Variants in GRM8 observed in about 807,000 individuals in gnomAD.
GRM8 encodes the protein glutamate metabotropic receptor 8.
In GRM8, 47 loss-of-function variants were observed where a neutral mutation model predicts 87.2. That is an observed-to-expected ratio of 0.54 (90% CI 0.43 to 0.69). GRM8 has a LOEUF of 0.69. GRM8 is among the 30% of genes least tolerant of loss of function. The pLI is 0.00. For missense variants in GRM8, 1,019 were observed against 1,139.2 expected, an observed-to-expected ratio of 0.89 and a Z score of 1.52; for synonymous variants, 396 against 404.5, an observed-to-expected ratio of 0.98 and a Z score of 0.25.
intron 2 of GRM8, among the ~76,000 whole-genome samples, chr7:127,236,603 C>T (rs1797996436): frequency 6.6e-6 from 1 of 152,174 alleles, no homozygotes; most frequent in Non-Finnish European, 1.5e-5. Flanking sequence ...TCAATTACCT[C>T]CACCTGGTCT....
At chr7:127,181,037 A>T (rs934766751) in intron 2 of GRM8, among the ~76,000 whole-genome samples, 5 of 152,232 alleles carry the variant, frequency 3.3e-5, no homozygotes, top group African/African-American at 1.2e-4. Context: ...CCAAATCAGT[A>T]AAGAGAAAGT....
At chr7:126,516,569 C>T (rs915688888) in intron 9 of GRM8, among the ~76,000 whole-genome samples, 1 of 152,154 alleles carries the variant, frequency 6.6e-6, no homozygotes, top group Admixed American at 6.6e-5. Context: ...ACTAAGCAAG[C>T]ATCTATGATT....
chr7:126,569,134 A>G (rs1055526894), intron 8 of GRM8, among the ~76,000 whole-genome samples: 3 of 152,152 alleles, frequency 2.0e-5, no homozygotes, highest in African/African-American at 7.2e-5. Flanking sequence ...AGCTGCTCCA[A>G]TGAACACACA....
At chr7:126,508,964 G>C (rs1810911610) in intron 9 of GRM8, among the ~76,000 whole-genome samples, 2 of 151,968 alleles carry the variant, frequency 1.3e-5, no homozygotes, top group Admixed American at 6.6e-5. Context: ...ACCAGGAGTG[G>C]TTCTACACAG....
intron 6 of GRM8, among the ~76,000 whole-genome samples, chr7:126,851,891 C>A (rs532482845): frequency 3.3e-5 from 5 of 152,280 alleles, no homozygotes; most frequent in Admixed American, 2.6e-4. Flanking sequence ...TTGTTTCTCT[C>A]CTAACCCCCA....
intron 7 of GRM8, among the ~76,000 whole-genome samples, chr7:126,644,658 C>A (rs1282608126): frequency 6.6e-6 from 1 of 152,128 alleles, no homozygotes; most frequent in Non-Finnish European, 1.5e-5. Flanking sequence ...AACCAATTTC[C>A]AAATGCTTTC....
At chr7:127,199,015 AT>A (rs1187083614) in intron 2 of GRM8, among the ~76,000 whole-genome samples, 1 of 151,922 alleles carries the variant, frequency 6.6e-6, no homozygotes, top group Non-Finnish European at 1.5e-5. Flanking sequence ...CTAATTTTGT[AT>A]TTTTAGTAGA....
chr7:126,442,802 G>A (rs997427592), intron 10 of GRM8, among the ~76,000 whole-genome samples: 3 of 151,960 alleles, frequency 2.0e-5, no homozygotes, highest in African/African-American at 7.2e-5. Flanking sequence ...ATTGAGAATT[G>A]AGAAAACAAT....
At chr7:126,687,788 A>C (rs1336627596) in intron 7 of GRM8, among the ~76,000 whole-genome samples, 2 of 151,896 alleles carry the variant, frequency 1.3e-5, no homozygotes, top group Non-Finnish European at 2.9e-5. Flanking sequence ...AGTCATACTT[A>C]TAGACAGATG....
intron 6 of GRM8, among the ~76,000 whole-genome samples, chr7:126,813,510 T>C (rs1793493422): frequency 1.3e-5 from 2 of 152,116 alleles, no homozygotes; most frequent in South Asian, 2.1e-4. Flanking sequence ...AATTTCTCTA[T>C]AAAACTACTC....
chr7:127,027,518 T>C (rs528484501), intron 3 of GRM8, among the ~76,000 whole-genome samples: 1 of 152,296 alleles, frequency 6.6e-6, no homozygotes, highest in South Asian at 2.1e-4. Context: ...CATCGATCAG[T>C]GGTTTGTAAT....
chr7:126,704,051 A>G (rs1036411776), intron 7 of GRM8, among the ~76,000 whole-genome samples: 5 of 152,170 alleles, frequency 3.3e-5, no homozygotes, highest in Non-Finnish European at 7.4e-5. Flanking sequence ...CAGGACGTCT[A>G]CAACCCTCTT....
chr7:126,468,330 T>G (rs901920811), intron 9 of GRM8, among the ~76,000 whole-genome samples: 13 of 152,090 alleles, frequency 8.5e-5, no homozygotes, highest in Non-Finnish European at 1.8e-4. Context: ...GATATCAACA[T>G]GTACATTGAT....
intron 2 of GRM8, among the ~76,000 whole-genome samples, chr7:127,236,759 C>A (rs1798002811): frequency 6.6e-6 from 1 of 152,132 alleles, no homozygotes; most frequent in African/African-American, 2.4e-5. Flanking sequence ...ATCTATTCAA[C>A]ACATATTTCC....
chr7:126,568,236 C>A (rs569660061), intron 8 of GRM8, among the ~76,000 whole-genome samples: 4 of 152,146 alleles, frequency 2.6e-5, no homozygotes, highest in Admixed American at 6.5e-5. Context: ...TAGACCTTCC[C>A]AACATGAATT....
chr7:126,749,685 C>T (rs1232854285), intron 7 of GRM8, among the ~76,000 whole-genome samples: 3 of 151,858 alleles, frequency 2.0e-5, no homozygotes, highest in Non-Finnish European at 2.9e-5. Context: ...TTTGAAGATA[C>T]TTGATCAGAG....
At chr7:127,205,613 G>A (rs1031202008) in intron 2 of GRM8, among the ~76,000 whole-genome samples, 14 of 152,232 alleles carry the variant, frequency 9.2e-5, no homozygotes, top group East Asian at 1.9e-4. Context: ...ACTCTCTACC[G>A]CTCTGCAGAG....
chr7:127,126,173 C>G (rs1273726228), intron 2 of GRM8, among the ~76,000 whole-genome samples: 2 of 152,030 alleles, frequency 1.3e-5, no homozygotes, highest in African/African-American at 4.8e-5. Context: ...GATACCTGTA[C>G]TCATATGTTT....
chr7:126,801,640 T>C (rs914452071), intron 6 of GRM8, among the ~76,000 whole-genome samples: 1 of 125,060 alleles, frequency 8.0e-6, no homozygotes, highest in East Asian at 2.0e-4. Context: ...GTTATTGTAA[T>C]GCATGTTGGT....
Sources: gnomAD v4.1 joint callset for allele counts (sites outside exome capture counted in the v4.1 genomes callset) on GRCh38, gnomAD v4.1.1 for gene constraint, MANE v1.5 for transcripts, NCBI Gene and HGNC (gene_info 2026-07-23, HGNC 2026-07-21) for gene names.